SGMS1: variants seen among roughly 807,000 people sequenced by gnomAD.
The protein encoded by SGMS1 is sphingomyelin synthase 1, also known as phosphatidylcholine:ceramide cholinephosphotransferase 1.
A neutral mutation model predicts 46.2 loss-of-function variants in SGMS1; 13 were observed. The ratio of observed to expected loss-of-function variants is 0.28; its 90% CI spans 0.18 to 0.45. SGMS1 has a LOEUF of 0.45. Ranked by LOEUF, SGMS1 falls within the 20% of genes least tolerant of loss-of-function variation. The probability of loss-of-function intolerance (pLI) is 1.00; values close to 1 mark genes in which losing one functional copy is unlikely to be tolerated. For missense variants in SGMS1, 324 were observed against 519.9 expected (o/e 0.62, Z 3.66); for synonymous variants, 203 against 187.8 (o/e 1.08, Z -0.66).
Position 50,487,441 on chromosome 10 carries a change from G to T in SGMS1, c.-497-20509C>A, listed in dbSNP as rs1837530915. Reference sequence around the variant, plus strand: ...CAGCAAACCACCATGGCACATGTTTGCCTATGTAACAAACATGCACATCCT... The same window carrying T: ...CAGCAAACCACCATGGCACATGTTTTCCTATGTAACAAACATGCACATCCT... On this transcript the variant is annotated intron_variant, in intron 3 of 10. Coordinates refer to ENST00000361781, the MANE Select transcript of SGMS1 (RefSeq NM_147156.4). Among the ~76,000 whole-genome samples the T allele has an allele frequency of 1.3e-5, 2 of 152,110 alleles. 1 individual carries two copies. Among genetic ancestry groups the T allele is most frequent in the South Asian group, 4.1e-4 (2 of 4,824 alleles).
At chr10:50,600,854 G>A (rs1271546824) in intron 1 of SGMS1, among the ~76,000 whole-genome samples, 2 of 152,154 alleles carry the variant, frequency 1.3e-5, no homozygotes, top group South Asian at 4.1e-4. Flanking sequence ...GCCAAGAACC[G>A]AGTCTAGGAA....
chr10:50,589,623 C>T (rs1041508824), intron 2 of SGMS1, among the ~76,000 whole-genome samples: 5 of 151,760 alleles, frequency 3.3e-5, no homozygotes, highest in Admixed American at 3.3e-4. Context: ...GTGTGCACCA[C>T]CACACCCAGC....
chr10:50,574,562 G>A (rs1021742034), intron 2 of SGMS1, among the ~76,000 whole-genome samples: 3 of 152,148 alleles, frequency 2.0e-5, no homozygotes, highest in African/African-American at 7.2e-5. Flanking sequence ...AATTGCAACT[G>A]CTATAGAAAG....
intron 5 of SGMS1, among the ~76,000 whole-genome samples, chr10:50,456,681 G>A (rs758377537): frequency 1.3e-5 from 2 of 152,134 alleles, no homozygotes; most frequent in Non-Finnish European, 2.9e-5. Flanking sequence ...AGTAGCTGCT[G>A]ACCCAGGGTT....
At chr10:50,352,051 TCAAGAGCAAATAAA>T (rs1042756423) in intron 6 of SGMS1, among the ~76,000 whole-genome samples, 4 of 152,190 alleles carry the variant, frequency 2.6e-5, no homozygotes, top group African/African-American at 9.7e-5. Context: ...CTTCGAAATT[TCAAGAGCAAATAAA>T]CTTTTATTTT....
At chr10:50,330,400 GC>G (rs1486466276) in intron 7 of SGMS1, among the ~76,000 whole-genome samples, 1 of 152,142 alleles carries the variant, frequency 6.6e-6, no homozygotes, top group Non-Finnish European at 1.5e-5. Context: ...TGGGAGGATC[GC>G]CGGAGCCTGG....
intron 2 of SGMS1, among the ~76,000 whole-genome samples, chr10:50,533,225 A>C (rs962869037): frequency 5.9e-5 from 9 of 152,244 alleles, no homozygotes; most frequent in Non-Finnish European, 8.8e-5. Context: ...AAGATGATGA[A>C]AAATAAGTAG....
At chr10:50,411,042 G>C (rs1394470531) in intron 6 of SGMS1, among the ~76,000 whole-genome samples, 1 of 152,168 alleles carries the variant, frequency 6.6e-6, no homozygotes, top group African/African-American at 2.4e-5. Flanking sequence ...ATTGAGAAGA[G>C]GGAAAGGTAT....
chr10:50,389,256 T>C (rs1252225182), intron 6 of SGMS1, among the ~76,000 whole-genome samples: 2 of 152,218 alleles, frequency 1.3e-5, no homozygotes, highest in Non-Finnish European at 2.9e-5. Context: ...GTTTTTTATG[T>C]TTATAGTTTA....
intron 7 of SGMS1, among the ~76,000 whole-genome samples, chr10:50,338,967 G>A (rs11005245): frequency 0.19 from 28,203 of 152,036 alleles, 2,750 homozygotes; most frequent in Admixed American, 0.23. Flanking sequence ...CAAACTCTCA[G>A]CCTCAGGTGA....
chr10:50,306,983 G>A lies in SGMS1; in HGVS notation c.*159C>T. ...TTGTCCAACGCAGGTCCTTTGGAGA[G>A]AAAAAAAGATCACAGTGCTGACCAG... is the stretch of plus-strand genomic sequence containing the variant. On this transcript the variant is annotated 3_prime_UTR_variant, in exon 11 of 11. Coordinates refer to ENST00000361781, the MANE Select transcript of SGMS1 (RefSeq NM_147156.4). 1 of 705,110 alleles carries A rather than the reference G, an allele frequency of 1.4e-6. No individual in the cohort carries two copies. The highest frequency in any genetic ancestry group is 2.3e-6 in the Non-Finnish European group (1 of 442,696). 43.7% of individuals were successfully genotyped at this position (705,110 alleles called of 1,614,324 possible).
chr10:50,613,956 C>G (rs1215985550), intron 1 of SGMS1, among the ~76,000 whole-genome samples: 1 of 152,126 alleles, frequency 6.6e-6, no homozygotes, highest in Non-Finnish European at 1.5e-5. Flanking sequence ...GTACAAAGCT[C>G]TTTTTTCCTA....
At chr10:50,624,442 T>C (rs2131955790), upstream of SGMS1, among the ~76,000 whole-genome samples, 1 of 152,260 alleles carries the variant, frequency 6.6e-6, no homozygotes, top group African/African-American at 2.4e-5. Flanking sequence ...ACCTGACTAT[T>C]CGGCCCATTT....
intron 6 of SGMS1, among the ~76,000 whole-genome samples, chr10:50,402,703 A>G (rs1377921413): frequency 1.3e-5 from 2 of 151,972 alleles, no homozygotes; most frequent in Admixed American, 6.6e-5. Flanking sequence ...GTAACAAGCC[A>G]TTTGTATACT....
intron 5 of SGMS1, among the ~76,000 whole-genome samples, chr10:50,436,874 C>T (rs1246158354): frequency 6.6e-6 from 1 of 152,160 alleles, no homozygotes; most frequent in African/African-American, 2.4e-5. Context: ...TTTGGGCTTC[C>T]TCTATGGGAG....
At chr10:50,453,118 A>AC (rs146383805) in intron 5 of SGMS1, among the ~76,000 whole-genome samples, 4,284 of 152,218 alleles carry the variant, frequency 0.028, 83 homozygotes, top group East Asian at 0.06. Context: ...GAAATAAGAG[A>AC]CCATCAGTGA....
intron 3 of SGMS1, among the ~76,000 whole-genome samples, chr10:50,499,389 T>TTA (rs1300569635): frequency 6.6e-6 from 1 of 152,140 alleles, no homozygotes; most frequent in Non-Finnish European, 1.5e-5. Context: ...GAAAGACAGA[T>TTA]GATGATAAGG....
chr10:50,383,585 T>A (rs1432642514), intron 6 of SGMS1, among the ~76,000 whole-genome samples: 1 of 152,168 alleles, frequency 6.6e-6, no homozygotes, highest in Non-Finnish European at 1.5e-5. Flanking sequence ...TGTAGAAATT[T>A]TTTTTTAATT....
chr10:50,448,201 G>T (rs748559872), intron 5 of SGMS1, among the ~76,000 whole-genome samples: 59 of 152,028 alleles, frequency 3.9e-4, no homozygotes, highest in Non-Finnish European at 5.4e-4. Flanking sequence ...GTAGTGAGCT[G>T]TGATGGCTCC....
Sources: allele counts gnomAD v4.1 joint callset (sites outside exome capture counted in the v4.1 genomes callset), GRCh38; gene constraint gnomAD v4.1.1; transcripts MANE v1.5; gene names NCBI Gene and HGNC (gene_info 2026-07-23, HGNC 2026-07-21).